The following ERGIC1 variants were observed in gnomAD, a reference collection of about 807,000 sequenced individuals.
ERGIC1 encodes the protein endoplasmic reticulum-Golgi intermediate compartment protein 1.
A neutral mutation model predicts 38.3 loss-of-function variants in ERGIC1; 19 were observed. The ratio of observed to expected loss-of-function variants is 0.50; its 90% CI spans 0.35 to 0.73. The LOEUF (loss-of-function observed/expected upper bound fraction) is 0.73. Among genes scored for constraint, ERGIC1 ranks in the 30% least tolerant of loss-of-function variants. The pLI is 0.01. For synonymous variants in ERGIC1, 124 were observed against 157.6 expected (o/e 0.79, Z 1.60); for missense variants, 294 against 389.2 (o/e 0.76, Z 2.06).
chr5:172,923,835 G>A (rs898503834), intron 5 of ERGIC1, among the ~76,000 whole-genome samples, 170 bp from the exon 6 acceptor site: 10 of 152,196 alleles, frequency 6.6e-5, no homozygotes, highest in African/African-American at 2.4e-4. Context: ...GGAGCCTGAG[G>A]CCCAGAGAGA....
At chr5:172,902,531 A>G (rs1762910367) in intron 3 of ERGIC1, among the ~76,000 whole-genome samples, 2 of 152,180 alleles carry the variant, frequency 1.3e-5, no homozygotes, top group Admixed American at 1.3e-4. Context: ...GGCCACCCAG[A>G]GGCCAAAGCC....
At chr5:172,935,383 C>G (rs1561743071) in intron 9 of ERGIC1, 73 bp downstream of exon 9, 1 of 1,597,880 alleles carries the variant, frequency 6.3e-7, no homozygotes, top group African/African-American at 1.3e-5. Context: ...CTTTCCTTGG[C>G]ACCCCTCACC....
chr5:172,839,723 G>A (rs1210458009), intron 1 of ERGIC1, among the ~76,000 whole-genome samples: 1 of 152,196 alleles, frequency 6.6e-6, no homozygotes, highest in African/African-American at 2.4e-5. Context: ...CTAGTGCCAG[G>A]CACTGTTGTA....
chr5:172,893,905 A>ATGTGTGTGTGTGTGTGTGTGTGTGTGTG (rs1554110394), intron 2 of ERGIC1, among the ~76,000 whole-genome samples: 1 of 15,520 alleles, frequency 6.4e-5, no homozygotes. Context: ...ATATATATAT[A>ATGTGTGTGTGTGTGTGTGTGTGTGTGTG]TGTGTGTGTG....
chr5:172,925,821 G>A (rs151295138), intron 6 of ERGIC1, among the ~76,000 whole-genome samples: 38 of 152,266 alleles, frequency 2.5e-4, no homozygotes, highest in African/African-American at 7.7e-4. Context: ...CCATTTACCA[G>A]GTATGCCTTG....
At chr5:172,901,388 G>A (rs565217192) in intron 3 of ERGIC1, among the ~76,000 whole-genome samples, 2 of 152,222 alleles carry the variant, frequency 1.3e-5, no homozygotes, top group South Asian at 4.1e-4. Context: ...CAGGCAACCT[G>A]GCCACAGAAT....
intron 5 of ERGIC1, among the ~76,000 whole-genome samples, chr5:172,920,836 C>T (rs933297821): frequency 6.6e-6 from 1 of 152,240 alleles, no homozygotes; most frequent in South Asian, 2.1e-4. Context: ...GGAGGACACA[C>T]GCCTTATGGC....
Position 172,926,611 on chromosome 5 carries a change from C to T in ERGIC1, c.541+42C>T, listed in dbSNP as rs375470504. ...GGAACAGCCTTCTGCTCCAAGATGC[C>T]CAGTACAGCAGGCAGGGAGGGGGAG... is the stretch of plus-strand genomic sequence containing the variant. On this transcript the variant is annotated intron_variant, in intron 7 of 9. Coordinates refer to ENST00000393784, the MANE Select transcript of ERGIC1 (RefSeq NM_001031711.3). This position sits in a 1 kb window ranked among gnomAD's most constrained non-coding sequence, Gnocchi z 5.2. The T allele has an allele frequency of 4.4e-6, 7 of 1,604,594 alleles. No homozygotes were observed. In the African/African-American group the frequency reaches 9.4e-5, roughly 21 times the overall value.
chr5:172,886,379 C>A (rs1052560463), intron 1 of ERGIC1, among the ~76,000 whole-genome samples: 1 of 152,118 alleles, frequency 6.6e-6, no homozygotes, highest in Admixed American at 6.5e-5. Flanking sequence ...CACATCACCC[C>A]CTGTAGGAAG....
intron 3 of ERGIC1, among the ~76,000 whole-genome samples, chr5:172,904,718 G>A (rs533292822): frequency 8.5e-5 from 13 of 152,370 alleles, no homozygotes; most frequent in Admixed American, 3.3e-4. Flanking sequence ...GTGGTTGTGG[G>A]TGAGCTCGTG....
intron 1 of ERGIC1, among the ~76,000 whole-genome samples, chr5:172,835,635 A>C (rs1257982542): frequency 6.6e-6 from 1 of 152,130 alleles, no homozygotes; most frequent in East Asian, 1.9e-4. Context: ...AGGCAGTGTA[A>C]AGTGACAGTC....
intron 3 of ERGIC1, among the ~76,000 whole-genome samples, chr5:172,902,346 G>A (rs1762904716): frequency 1.3e-5 from 2 of 152,254 alleles, no homozygotes; most frequent in East Asian, 1.9e-4. Context: ...AAGTCTCCAG[G>A]TTGCCTGCCT....
At chr5:172,898,096 A>G (rs1762770592) in intron 3 of ERGIC1, 1 of 390,432 alleles carries the variant, frequency 2.6e-6, no homozygotes, top group Admixed American at 4.5e-5. Flanking sequence ...ACAGCCCGGA[A>G]AGTCATCACG....
At position 172,920,216 on chromosome 5, in the gene ERGIC1, T is replaced by A. The variant is rs1475382545; in HGVS notation, c.376-3789T>A. 6 of 673,218 alleles carry A rather than the reference T, an allele frequency of 8.9e-6. No individual in the cohort carries two copies. In the Admixed American group the frequency reaches 1.3e-4, roughly 14 times the overall value. 41.7% of individuals were successfully genotyped at this position (673,218 alleles called of 1,614,324 possible). On this transcript the variant is annotated intron_variant, in intron 5 of 9. Transcript: ENST00000393784. ...CGTCCCCCACCCCAGCCCAGCCACT[T>A]TCCCTTTGAGGAACCGCCCATCAAG...
chr5:172,952,504 T>C lies in ERGIC1; in HGVS notation c.*1688T>C, dbSNP rs1764253300. ...GCATGCACATGAGTTGAAATTCTTT[T>C]ATGCATTTTTTTGAAGAAAAAAAAA... On this transcript the variant is annotated 3_prime_UTR_variant, in exon 10 of 10. Coordinates refer to ENST00000393784, the MANE Select transcript of ERGIC1 (RefSeq NM_001031711.3). The C allele has an allele frequency of 7.4e-6, 1 of 135,306 alleles. No homozygotes were observed. The allele number at this position is 135,306 out of a possible 1,614,324, so 8.4% of individuals were successfully genotyped here. A position where few individuals can be genotyped will look rare whatever the true frequency, so the allele number is the denominator to read the frequency against.
chr5:172,872,816 A>AAAAAAAAG (rs940279505), intron 1 of ERGIC1, among the ~76,000 whole-genome samples: 1 of 151,640 alleles, frequency 6.6e-6, no homozygotes, highest in South Asian at 2.1e-4. Flanking sequence ...ACTCTATCTC[A>AAAAAAAAG]AAAAAAAGAA....
chr5:172,944,805 C>T (rs1320710414), intron 9 of ERGIC1, among the ~76,000 whole-genome samples: 2 of 152,200 alleles, frequency 1.3e-5, no homozygotes, highest in African/African-American at 4.8e-5. Flanking sequence ...GCAGGGTCTC[C>T]AGGCACAGCA....
chr5:172,881,762 C>T (rs1197442470), intron 1 of ERGIC1, among the ~76,000 whole-genome samples: 3 of 152,222 alleles, frequency 2.0e-5, no homozygotes, highest in Non-Finnish European at 2.9e-5. Context: ...CTCTGAGCCT[C>T]ATCTGTAAAA....
chr5:172,940,221 A>G (rs1386943613), intron 9 of ERGIC1, among the ~76,000 whole-genome samples: 1 of 152,126 alleles, frequency 6.6e-6, no homozygotes, highest in Non-Finnish European at 1.5e-5. Context: ...TCATTGTCCC[A>G]AAAGGGCTTG....
Sources: allele counts gnomAD v4.1 joint callset (sites outside exome capture counted in the v4.1 genomes callset), GRCh38; gene constraint gnomAD v4.1.1; non-coding constraint Gnocchi (gnomAD v3.1); transcripts MANE v1.5; gene names NCBI Gene and HGNC (gene_info 2026-07-23, HGNC 2026-07-21).